PTPRC: variants seen among roughly 807,000 people sequenced by gnomAD.
PTPRC encodes protein tyrosine phosphatase receptor type C.
In PTPRC, 44 loss-of-function variants were observed where a neutral mutation model predicts 155.9. The observed-to-expected ratio is 0.28, with a 90% CI of 0.22 to 0.36. The LOEUF (loss-of-function observed/expected upper bound fraction) is 0.36. Among genes scored for constraint, PTPRC ranks in the 10% least tolerant of loss-of-function variants. The pLI is 1.00. For synonymous variants in PTPRC, 525 were observed against 533.1 expected (o/e 0.98, Z 0.21); for missense variants, 1,401 against 1,564.6 (o/e 0.90, Z 1.76).
At chr1:198,715,289 A>AT (rs1259858124) in intron 12 of PTPRC, among the ~76,000 whole-genome samples, 1 of 151,244 alleles carries the variant, frequency 6.6e-6, no homozygotes, top group African/African-American at 2.4e-5. Flanking sequence ...CGCCCGGCTA[A>AT]TTTTTTTGTA....
At chr1:198,647,452 T>C (rs1345660242) in intron 2 of PTPRC, among the ~76,000 whole-genome samples, 2 of 151,926 alleles carry the variant, frequency 1.3e-5, no homozygotes, top group East Asian at 3.9e-4. Flanking sequence ...TCTGTCCTTT[T>C]ATTGTTATTT....
At chr1:198,672,841 A>G (rs532159450) in intron 2 of PTPRC, among the ~76,000 whole-genome samples, 7 of 152,250 alleles carry the variant, frequency 4.6e-5, no homozygotes, top group African/African-American at 1.2e-4. Context: ...CTCATCTCCA[A>G]CCTTGCTTCC....
rs765103630 is a variant in PTPRC, at chr1:198,756,478, GAGAA to G, written c.*301_*304del. The G allele has an allele frequency of 2.7e-4, 70 of 256,466 alleles. No individual in the cohort carries two copies. Among genetic ancestry groups the G allele is most frequent in the African/African-American group, 1.1e-3 (50 of 44,634 alleles). 15.9% of individuals were successfully genotyped at this position (256,466 alleles called of 1,614,324 possible). On this transcript the variant is annotated 3_prime_UTR_variant, in exon 33 of 33. Coordinates refer to ENST00000442510, the MANE Select transcript of PTPRC (RefSeq NM_002838.5). ...TGGGTGTGTGTTTGTGTGAGAGACA[GAGAA>G]AGAGAGAGAATTCTTTCAAGTGAAT...
chr1:198,738,368 G>T (rs1374718466), intron 23 of PTPRC, among the ~76,000 whole-genome samples: 1 of 151,694 alleles, frequency 6.6e-6, no homozygotes, highest in Non-Finnish European at 1.5e-5. Context: ...AAGAGATGTT[G>T]AATTTTATGG....
intron 31 of PTPRC, 147 bp downstream of exon 31, chr1:198,752,919 C>G (rs1655454143): frequency 1.3e-6 from 1 of 790,840 alleles, no homozygotes; most frequent in Admixed American, 2.1e-5. Context: ...TTGGTTGTTT[C>G]CACAACACAA....
intron 20 of PTPRC, among the ~76,000 whole-genome samples, chr1:198,733,835 T>C (rs1654505534): frequency 6.6e-6 from 1 of 151,790 alleles, no homozygotes; most frequent in Non-Finnish European, 1.5e-5. Context: ...TGAGCTTGTT[T>C]AAATAGTGGT....
Position 198,749,575 on chromosome 1 carries a change from A to G in PTPRC, c.3072+26A>G, listed in dbSNP as rs113971730. 332 of 1,601,878 alleles carry G rather than the reference A, an allele frequency of 2.1e-4. 2 individuals carry two copies. In the African/African-American group the frequency reaches 3.8e-3, roughly 18 times the overall value. ...GTAGGTACTTAAATTGCCAAAACCC[A>G]AGATCCAAACATTTTAAAATAATAT... On this transcript the variant is annotated intron_variant, in intron 28 of 32. Coordinates refer to ENST00000442510, the MANE Select transcript of PTPRC (RefSeq NM_002838.5).
intron 2 of PTPRC, among the ~76,000 whole-genome samples, chr1:198,655,170 G>GT (rs1298150764): frequency 6.6e-6 from 1 of 151,318 alleles, no homozygotes; most frequent in Non-Finnish European, 1.5e-5. Context: ...CAAGTTGCCG[G>GT]TTTTTTTTAA....
intron 12 of PTPRC, 34 bp downstream of exon 12, chr1:198,713,106 G>T: frequency 6.2e-7 from 1 of 1,612,124 alleles, no homozygotes; most frequent in South Asian, 1.1e-5. Context: ...CATCAGAAAA[G>T]AGAAATCAAG....
chr1:198,690,580 T>C (rs1300878179), intron 2 of PTPRC, among the ~76,000 whole-genome samples: 1 of 152,040 alleles, frequency 6.6e-6, no homozygotes, highest in Non-Finnish European at 1.5e-5. Context: ...ATATCAAAAA[T>C]GCATTTTACT....
intron 2 of PTPRC, among the ~76,000 whole-genome samples, chr1:198,682,595 C>T (rs1464883956): frequency 6.6e-6 from 1 of 152,158 alleles, no homozygotes; most frequent in African/African-American, 2.4e-5. Context: ...GCTTCATTTA[C>T]CTATTCTTTC....
At position 198,757,296 on chromosome 1, in the gene PTPRC, T is replaced by C. The variant is rs1213004243; in HGVS notation, c.*1115T>C. The C allele has an allele frequency of 6.6e-6, 1 of 151,898 alleles. No individual in the cohort carries two copies. The highest frequency in any genetic ancestry group is 2.4e-5 in the African/African-American group (1 of 41,446). 9.4% of individuals were successfully genotyped at this position (151,898 alleles called of 1,614,324 possible). A position where few individuals can be genotyped will look rare whatever the true frequency, so the allele number is the denominator to read the frequency against. On this transcript the variant is annotated 3_prime_UTR_variant, in exon 33 of 33. Coordinates refer to ENST00000442510, the MANE Select transcript of PTPRC (RefSeq NM_002838.5). ...TTCTTGTTTATAATACATTGTGTTA[T>C]ATGTTCAAATATGAAATGTGTATGC...
intron 14 of PTPRC, among the ~76,000 whole-genome samples, chr1:198,720,636 T>A (rs192780139): frequency 3.9e-5 from 6 of 152,286 alleles, no homozygotes; most frequent in Non-Finnish European, 7.4e-5. Context: ...GCCTATATTA[T>A]ATAACTTTAA....
At chr1:198,692,168 T>G (rs1432043205) in intron 2 of PTPRC, among the ~76,000 whole-genome samples, 179 bp from the exon 3 acceptor site, 1 of 152,118 alleles carries the variant, frequency 6.6e-6, no homozygotes, top group Non-Finnish European at 1.5e-5. Flanking sequence ...ATATTTGGGC[T>G]TTGTAAACAT....
At position 198,750,611 on chromosome 1, in the gene PTPRC, G is replaced by A. The variant is rs764974516; in HGVS notation, c.3192G>A (p.Leu1064=). The A allele has an allele frequency of 7.4e-6, 12 of 1,612,562 alleles. No individual in the cohort carries two copies. Among genetic ancestry groups the A allele is most frequent in the Non-Finnish European group, 1.0e-5 (12 of 1,179,086 alleles). The change falls in exon 29 of 33, where the codon CTG becomes CTA. Residue 1064 remains leucine (L), a synonymous_variant. Coordinates refer to ENST00000442510, the MANE Select transcript of PTPRC (RefSeq NM_002838.5). Reference sequence around the variant, plus strand: ...AAGTTATTGTTATGCTGACAGAACTGAAACATGGAGACCAGGTTTGTACTT... The same window carrying A: ...AAGTTATTGTTATGCTGACAGAACTAAAACATGGAGACCAGGTTTGTACTT... ...KVKVIVMLTE[L]KHGDQEICAQ...
intron 3 of PTPRC, chr1:198,692,751 T>A: frequency 1.1e-6 from 1 of 927,706 alleles, no homozygotes; most frequent in Non-Finnish European, 1.3e-6. Context: ...ATGTTATAGA[T>A]ATGTAGATAA....
rs953008813 is a variant in PTPRC at position 198,699,773 on chromosome 1, G to A, written c.439+69G>A. 4.6e-5 allele frequency: 74 copies of A among 1,593,214 alleles called. 1 individual carries two copies. Among genetic ancestry groups the A allele is most frequent in the Non-Finnish European group, 6.4e-5 (74 of 1,161,538 alleles). The stretch of plus-strand genomic sequence containing the variant: ...ACGACTACCTGTATTTAAGAATGGT[G>A]TGAGGAAATCTAACCACTTATTCAA... On this transcript the variant is annotated intron_variant, in intron 5 of 32. Transcript: ENST00000442510.
chr1:198,715,284 G>A (rs1172005582), intron 12 of PTPRC, among the ~76,000 whole-genome samples: 4 of 151,886 alleles, frequency 2.6e-5, no homozygotes, highest in Middle Eastern at 3.4e-3. Context: ...CACCACGCCC[G>A]GCTAATTTTT....
intron 2 of PTPRC, among the ~76,000 whole-genome samples, chr1:198,655,812 G>A (rs1663533255): frequency 6.6e-6 from 1 of 152,018 alleles, no homozygotes; most frequent in Non-Finnish European, 1.5e-5. Context: ...AATGTCTCCA[G>A]GCATTGCCAA....
Sources: allele counts gnomAD v4.1 joint callset (sites outside exome capture counted in the v4.1 genomes callset), GRCh38; gene constraint gnomAD v4.1.1; transcripts MANE v1.5; gene names NCBI Gene and HGNC (gene_info 2026-07-23, HGNC 2026-07-21).